CLEC4C: variants seen among roughly 807,000 people sequenced by gnomAD.
CLEC4C encodes C-type (calcium dependent, carbohydrate-recognition domain) lectin, superfamily member 11.
In CLEC4C, 17 loss-of-function variants were observed where a neutral mutation model predicts 27.7. That is an observed-to-expected ratio of 0.61 (90% confidence interval 0.42 to 0.92). The LOEUF (loss-of-function observed/expected upper bound fraction) is 0.92, where lower values mean the gene tolerates loss of function less well. CLEC4C is among the 40% of genes least tolerant of loss of function. The pLI is 0.00. For synonymous variants in CLEC4C, 80 were observed against 80.8 expected (o/e 0.99, Z 0.06); for missense variants, 244 against 257.3 (o/e 0.95, Z 0.35).
chr12:7,747,398 C>T (rs779346487), upstream of CLEC4C: 45 of 1,586,178 alleles, frequency 2.8e-5, 1 homozygote, highest in South Asian at 4.5e-4. Flanking sequence ...GGTGCAGAAG[C>T]TCTTGTATCA....
chr12:7,741,626 G>A (rs112389017), intron 2 of CLEC4C, 95 bp from the exon 3 acceptor site: 12 of 702,642 alleles, frequency 1.7e-5, no homozygotes, highest in African/African-American at 8.6e-5. Flanking sequence ...AGTGACTCAC[G>A]CCTGTAATCT....
chr12:7,747,603 A>C (rs1865012453), upstream of CLEC4C: 1 of 428,938 alleles, frequency 2.3e-6, no homozygotes, highest in Non-Finnish European at 4.2e-6. Flanking sequence ...AATACATGAA[A>C]AACAGTTCAT....
rs1864923010 is a variant in CLEC4C, at chr12:7,744,209, G to T, written c.124+2122C>A. On this transcript the variant is annotated intron_variant, in intron 2 of 5. Coordinates refer to ENST00000360345, the MANE Select transcript of CLEC4C (RefSeq NM_001371390.1). ...TTTCAAATTTTCAACATGAGACTTG[G>T]AAGGGACAACTATCCCAACCATATC... 2.0e-5 allele frequency among the ~76,000 whole-genome samples: 3 copies of T among 152,174 alleles called. No individual in the cohort carries two copies. In the South Asian group the frequency reaches 6.2e-4, roughly 32 times the overall value.
At chr12:7,736,777 C>A (rs1864735293) in intron 4 of CLEC4C, among the ~76,000 whole-genome samples, 1 of 151,986 alleles carries the variant, frequency 6.6e-6, no homozygotes, top group South Asian at 2.1e-4. Context: ...GGCGTGGTGG[C>A]AGGTGCCTGT....
chr12:7,729,434 G>A lies in CLEC4C; in HGVS notation c.*162C>T. ...TGAATAAATGAATAAATGAATAAAT[G>A]AATGTGTGAATGGATTATATCATAA... On this transcript the variant is annotated 3_prime_UTR_variant, in exon 6 of 6. Transcript: ENST00000360345. 3.4e-6 allele frequency: 2 copies of A among 588,644 alleles called. No individual in the cohort carries two copies. Among genetic ancestry groups the A allele is most frequent in the South Asian group, 4.7e-5 (2 of 42,680 alleles). 36.5% of individuals were successfully genotyped at this position (588,644 alleles called of 1,614,324 possible). A position where few individuals can be genotyped will look rare whatever the true frequency, so the allele number is the denominator to read the frequency against.
chr12:7,739,548 G>C (rs191733684), intron 3 of CLEC4C, among the ~76,000 whole-genome samples: 293 of 152,252 alleles, frequency 1.9e-3, no homozygotes, highest in African/African-American at 6.7e-3. Flanking sequence ...GGCAGTCCCT[G>C]ATCCTGGACA....
intron 4 of CLEC4C, among the ~76,000 whole-genome samples, chr12:7,734,953 C>A (rs1296169924): frequency 6.6e-6 from 1 of 152,080 alleles, no homozygotes; most frequent in African/African-American, 2.4e-5. Flanking sequence ...ATAACCCCAG[C>A]ACTTTGGGAG....
At chr12:7,729,827 C>G (rs1048860388) in intron 5 of CLEC4C, 87 bp from the exon 6 acceptor site, 12 of 1,272,878 alleles carry the variant, frequency 9.4e-6, no homozygotes, top group Non-Finnish European at 1.2e-5. Context: ...TTAAACAGTG[C>G]GAAAGTCAAG....
chr12:7,748,543 G>C (rs1384138581), upstream of CLEC4C, among the ~76,000 whole-genome samples: 1 of 151,344 alleles, frequency 6.6e-6, no homozygotes, highest in African/African-American at 2.4e-5. Flanking sequence ...AAAAAGTTTT[G>C]AGTTAGCAGC....
upstream of CLEC4C, chr12:7,747,438 T>C: frequency 7.2e-7 from 1 of 1,381,818 alleles, no homozygotes; most frequent in South Asian, 1.2e-5. Flanking sequence ...TTTCGGGGTG[T>C]GGTTCTTTCA....
In CLEC4C at chr12:7,731,548, C is replaced by T. The variant is rs187780038; in HGVS notation, c.382-636G>A. Among the ~76,000 whole-genome samples the T allele has an allele frequency of 1.5e-3, 225 of 152,160 alleles. 1 individual carries two copies. Among genetic ancestry groups the T allele is most frequent in the African/African-American group, 5.0e-3 (209 of 41,508 alleles). ...GACTCAAGTTGAACTGAGTTCTTACCGCCATAGGAAGAAAAGAATAAAAGG... is the reference window on the plus strand; with the variant it reads ...GACTCAAGTTGAACTGAGTTCTTACTGCCATAGGAAGAAAAGAATAAAAGG... On this transcript the variant is annotated intron_variant, in intron 4 of 5. Coordinates refer to ENST00000360345, the MANE Select transcript of CLEC4C (RefSeq NM_001371390.1).
Position 7,739,517 on chromosome 12 carries a change from G to A in CLEC4C, c.235+1904C>T, listed in dbSNP as rs771550408. Among the ~76,000 whole-genome samples, 502 of 152,084 alleles carry A rather than the reference G, an allele frequency of 3.3e-3. 1 individual carries two copies. The highest frequency in any genetic ancestry group is 0.011 in the African/African-American group (469 of 41,492). ...TCTGGGGTGGAACTTGTCTCCCTCC[G>A]GCTCTGCATACGACGCTGTAGGCAG... On this transcript the variant is annotated intron_variant, in intron 3 of 5. Coordinates refer to ENST00000360345, the MANE Select transcript of CLEC4C (RefSeq NM_001371390.1).
At chr12:7,745,851 A>G (rs947759938) in intron 2 of CLEC4C, among the ~76,000 whole-genome samples, 31 of 152,128 alleles carry the variant, frequency 2.0e-4, no homozygotes, top group African/African-American at 6.3e-4. Context: ...ATCCAGAATA[A>G]TTAATAATAG....
At position 7,741,966 on chromosome 12, in the gene CLEC4C, A is replaced by T. The variant is rs146015686; in HGVS notation, c.125-435T>A. Among the ~76,000 whole-genome samples, 1,165 of 152,184 alleles carry T rather than the reference A, an allele frequency of 7.7e-3. 11 individuals are homozygous for T. Among genetic ancestry groups the T allele is most frequent in the African/African-American group, 0.027 (1,109 of 41,522 alleles). Reference sequence around the variant, plus strand: ...AACCCAGGAAGCAGAGGTTGCAGTGAGCCGAGACCGCGCCATTGCACTCCA... The same window carrying T: ...AACCCAGGAAGCAGAGGTTGCAGTGTGCCGAGACCGCGCCATTGCACTCCA... On this transcript the variant is annotated intron_variant, in intron 2 of 5. Coordinates refer to ENST00000360345, the MANE Select transcript of CLEC4C (RefSeq NM_001371390.1).
upstream of CLEC4C, chr12:7,747,632 CTTTTTTTTTTTTTT>C (rs201227947): frequency 9.9e-3 from 872 of 88,440 alleles, 23 homozygotes; most frequent in African/African-American, 0.035. Context: ...GTCTGATTGT[CTTTTTTTTTTTTTT>C]TTTTTTTTTT....
chr12:7,744,482 G>A (rs978465851), intron 2 of CLEC4C, among the ~76,000 whole-genome samples: 18 of 152,194 alleles, frequency 1.2e-4, no homozygotes, highest in African/African-American at 4.1e-4. Context: ...AGCACATTTT[G>A]ACACCCAAAT....
intron 2 of CLEC4C, 107 bp downstream of exon 2, chr12:7,746,224 A>G (rs1343126438): frequency 4.4e-6 from 3 of 681,722 alleles, no homozygotes; most frequent in Non-Finnish European, 7.3e-6. Flanking sequence ...AAAAAAAAAA[A>G]AAAAAAAAAG....
intron 3 of CLEC4C, among the ~76,000 whole-genome samples, chr12:7,738,244 CT>C (rs755232261): frequency 9.2e-5 from 14 of 152,090 alleles, no homozygotes; most frequent in Non-Finnish European, 1.8e-4. Context: ...CACTCTAAGC[CT>C]TAAATATTTT....
chr12:7,731,646 A>T (rs940416997), intron 4 of CLEC4C, among the ~76,000 whole-genome samples: 2 of 152,152 alleles, frequency 1.3e-5, no homozygotes, highest in Non-Finnish European at 2.9e-5. Context: ...GGCTGGATCA[A>T]AGACATCACT....
Sources: gnomAD v4.1 joint callset for allele counts (sites outside exome capture counted in the v4.1 genomes callset) on GRCh38, gnomAD v4.1.1 for gene constraint, MANE v1.5 for transcripts, NCBI Gene and HGNC (gene_info 2026-07-23, HGNC 2026-07-21) for gene names.